TMCO5A: variants seen among roughly 807,000 people sequenced by gnomAD.
TMCO5A encodes the protein transmembrane and coiled-coil domains 5A, also known as transmembrane and coiled-coil domain-containing protein 5A.
In TMCO5A, 34 loss-of-function variants were observed where a neutral mutation model predicts 42.3. That is an observed-to-expected ratio of 0.80 (90% CI 0.61 to 1.07). The LOEUF is 1.07. Among genes scored for constraint, TMCO5A ranks in the 50% least tolerant of loss-of-function variants. The probability of loss-of-function intolerance (pLI) is 0.00; values close to 1 mark genes in which losing one functional copy is unlikely to be tolerated. For synonymous variants in TMCO5A, 131 were observed against 115.6 expected, an observed-to-expected ratio of 1.13 and a Z score of -0.86; for missense variants, 357 against 327.9, an observed-to-expected ratio of 1.09 and a Z score of -0.69.
the TMCO5A span, among the ~76,000 whole-genome samples, chr15:38,003,092 G>A: frequency 1.3e-5 from 2 of 152,182 alleles, no homozygotes; most frequent in South Asian, 2.1e-4. Flanking sequence ...GGCACCCTAA[G>A]CCCAGTGATG....
chr15:37,938,899 G>C (rs1396677994), intron 6 of TMCO5A, among the ~76,000 whole-genome samples: 1 of 152,054 alleles, frequency 6.6e-6, no homozygotes, highest in African/African-American at 2.4e-5. Flanking sequence ...TGATGAGAGA[G>C]AGAGAGAAAT....
At chr15:37,955,272 A>AC (rs1890258035), downstream of TMCO5A, among the ~76,000 whole-genome samples, 1 of 151,634 alleles carries the variant, frequency 6.6e-6, no homozygotes, top group African/African-American at 2.4e-5. Flanking sequence ...AAAAAAAAAA[A>AC]AAACTTAACA....
intron 3 of TMCO5A, 51 bp from the exon 4 acceptor site, chr15:37,936,796 T>C: frequency 1.2e-6 from 2 of 1,605,682 alleles, no homozygotes; most frequent in Admixed American, 1.7e-5. Context: ...GTTTTATCAG[T>C]TCTGAAACTG....
chr15:37,982,686 CAT>C, the TMCO5A span, among the ~76,000 whole-genome samples: 33 of 141,044 alleles, frequency 2.3e-4, no homozygotes, highest in African/African-American at 7.2e-4. Context: ...TATATTAACA[CAT>C]ATGTTATATG....
the TMCO5A span, among the ~76,000 whole-genome samples, chr15:38,000,833 T>C: frequency 6.6e-6 from 1 of 152,150 alleles, no homozygotes; most frequent in Non-Finnish European, 1.5e-5. Flanking sequence ...TTGTTATTGA[T>C]TTCTAGTTTT....
At chr15:38,013,360 C>G in the TMCO5A span, among the ~76,000 whole-genome samples, 51 of 146,812 alleles carry the variant, frequency 3.5e-4, no homozygotes, top group African/African-American at 1.2e-3. Flanking sequence ...CCCTCCCCCC[C>G]TCTAGTGTTC....
chr15:38,030,591 T>A, the TMCO5A span, among the ~76,000 whole-genome samples: 2 of 152,224 alleles, frequency 1.3e-5, no homozygotes, highest in South Asian at 4.2e-4. Flanking sequence ...TTCCTCCTGC[T>A]CCCCAAATAA....
the TMCO5A span, among the ~76,000 whole-genome samples, chr15:38,015,590 G>A: frequency 6.6e-6 from 1 of 152,114 alleles, no homozygotes; most frequent in African/African-American, 2.4e-5. Flanking sequence ...CCACACAAAA[G>A]GTGTTTTCAC....
chr15:37,990,680 C>A, the TMCO5A span, among the ~76,000 whole-genome samples: 4 of 151,866 alleles, frequency 2.6e-5, no homozygotes, highest in African/African-American at 9.7e-5. Flanking sequence ...TTTCTATATA[C>A]CTTTTATCTT....
chr15:37,957,309 T>C (rs1188228742), intron 11 of TMCO5A, among the ~76,000 whole-genome samples: 1 of 152,184 alleles, frequency 6.6e-6, no homozygotes, highest in East Asian at 1.9e-4. Flanking sequence ...TTGTCTGTGT[T>C]TGCACATGAC....
chr15:38,018,639 G>C, the TMCO5A span, among the ~76,000 whole-genome samples: 2 of 151,880 alleles, frequency 1.3e-5, no homozygotes, highest in African/African-American at 4.8e-5. Context: ...ATAGTAACAG[G>C]AGATGAAGAA....
the TMCO5A span, among the ~76,000 whole-genome samples, chr15:37,996,772 G>T: frequency 2.6e-5 from 4 of 152,070 alleles, no homozygotes; most frequent in South Asian, 2.1e-4. Context: ...CAGTGATATG[G>T]GTCCAAAATG....
intron 11 of TMCO5A, among the ~76,000 whole-genome samples, chr15:37,957,882 C>T (rs577712051): frequency 6.6e-6 from 1 of 151,914 alleles, no homozygotes; most frequent in African/African-American, 2.4e-5. Flanking sequence ...GGTACTGGTA[C>T]CAAAACAGAT....
At chr15:37,949,692 T>C (rs1177601886) in intron 11 of TMCO5A, among the ~76,000 whole-genome samples, 1 of 151,184 alleles carries the variant, frequency 6.6e-6, no homozygotes, top group East Asian at 1.9e-4. Flanking sequence ...CCCAGATGTG[T>C]TAAAGATGTA....
chr15:37,952,840 G>T (rs758021772), downstream of TMCO5A, among the ~76,000 whole-genome samples: 2 of 152,162 alleles, frequency 1.3e-5, no homozygotes, highest in African/African-American at 4.8e-5. Context: ...GCCCTGAAGG[G>T]CAAGTCCCAG....
chr15:38,011,171 C>A, the TMCO5A span, among the ~76,000 whole-genome samples: 1 of 152,188 alleles, frequency 6.6e-6, no homozygotes, highest in Non-Finnish European at 1.5e-5. Flanking sequence ...CTCAAGGTGT[C>A]TCACAAGGTT....
At chr15:37,969,820 A>G (rs1354135365), downstream of TMCO5A, among the ~76,000 whole-genome samples, 1 of 152,192 alleles carries the variant, frequency 6.6e-6, no homozygotes, top group Non-Finnish European at 1.5e-5. Context: ...GCTTATGATA[A>G]TGGCCTCAAA....
the TMCO5A span, among the ~76,000 whole-genome samples, chr15:38,004,115 G>A: frequency 6.6e-6 from 1 of 152,048 alleles, no homozygotes; most frequent in South Asian, 2.1e-4. Flanking sequence ...TCCTTAATCA[G>A]TAGGTGATAA....
At chr15:38,024,163 T>C in the TMCO5A span, among the ~76,000 whole-genome samples, 1 of 152,210 alleles carries the variant, frequency 6.6e-6, no homozygotes, top group Non-Finnish European at 1.5e-5. Flanking sequence ...TCCTCTTTCT[T>C]GCCTTTCCAC....
Sources: gnomAD v4.1 joint callset for allele counts (sites outside exome capture counted in the v4.1 genomes callset) on GRCh38, gnomAD v4.1.1 for gene constraint, MANE v1.5 for transcripts, NCBI Gene and HGNC (gene_info 2026-07-23, HGNC 2026-07-21) for gene names.